The following STPG2 variants were observed in gnomAD, a reference collection of about 807,000 sequenced individuals.
The protein encoded by STPG2 is sperm-tail PG-rich repeat-containing protein 2.
Under a neutral mutation model 54.2 loss-of-function variants are expected in STPG2, and 56 were observed. The ratio of observed to expected loss-of-function variants is 1.03; its 90% CI spans 0.83 to 1.29. The LOEUF (loss-of-function observed/expected upper bound fraction) is 1.29. Among genes scored for constraint, STPG2 ranks in the 50% most tolerant of loss-of-function variants. The pLI is 0.00. For synonymous variants in STPG2, 200 were observed against 181.8 expected, an observed-to-expected ratio of 1.10 and a Z score of -0.81; for missense variants, 596 against 544.9, an observed-to-expected ratio of 1.09 and a Z score of -0.93.
At chr4:97,470,848 T>C (rs938650402) in intron 4 of STPG2, among the ~76,000 whole-genome samples, 1 of 152,062 alleles carries the variant, frequency 6.6e-6, no homozygotes, top group African/African-American at 2.4e-5. Context: ...GGCATTGTGA[T>C]GAGATGAAGT....
intron 4 of STPG2, among the ~76,000 whole-genome samples, chr4:97,518,307 C>A (rs1731115668): frequency 6.6e-6 from 1 of 151,964 alleles, no homozygotes; most frequent in African/African-American, 2.4e-5. Flanking sequence ...ACTATAAAAA[C>A]ACCAAGATAA....
In STPG2 at chr4:97,978,137, C is replaced by G. The variant is rs1006743310; in HGVS notation, c.772+3022G>C. The stretch of plus-strand genomic sequence containing the variant: ...TTATAAAGTGTTCAGTTTTCTGGAA[C>G]TACCATTTGACCCAGCAATTCCATT... On this transcript the variant is annotated intron_variant, in intron 6 of 10. Coordinates refer to ENST00000295268, the MANE Select transcript of STPG2 (RefSeq NM_174952.3). 3.3e-5 allele frequency among the ~76,000 whole-genome samples: 5 copies of G among 152,216 alleles called. No homozygotes were observed. The South Asian group carries it at 8.3e-4, about 25-fold the overall frequency.
At chr4:97,881,140 A>G (rs563933495) in intron 8 of STPG2, among the ~76,000 whole-genome samples, 1 of 152,204 alleles carries the variant, frequency 6.6e-6, no homozygotes, top group African/African-American at 2.4e-5. Context: ...AAACTAGTAA[A>G]GAGTGCAAAG....
At chr4:97,843,225 T>C (rs1321252104) in intron 8 of STPG2, among the ~76,000 whole-genome samples, 1 of 151,704 alleles carries the variant, frequency 6.6e-6, no homozygotes, top group East Asian at 1.9e-4. Context: ...CTCATACCAA[T>C]ATTTAAATCC....
At chr4:97,984,608 T>C (rs889534480) in intron 5 of STPG2, among the ~76,000 whole-genome samples, 11 of 152,376 alleles carry the variant, frequency 7.2e-5, no homozygotes, top group Middle Eastern at 3.4e-3. Flanking sequence ...TTGTTTCCAT[T>C]TGTTTTCAGT....
intron 5 of STPG2, among the ~76,000 whole-genome samples, chr4:98,056,569 C>A (rs564573034): frequency 5.3e-4 from 80 of 152,188 alleles, no homozygotes; most frequent in African/African-American, 1.8e-3. Context: ...CCTAATATCT[C>A]CCATAAATGA....
chr4:97,860,023 G>A (rs533174079), intron 8 of STPG2, among the ~76,000 whole-genome samples: 3 of 152,272 alleles, frequency 2.0e-5, no homozygotes, highest in African/African-American at 7.2e-5. Flanking sequence ...CATTGTCAAA[G>A]ATCAGTTGCC....
chr4:97,973,795 T>C (rs544554456), intron 6 of STPG2, among the ~76,000 whole-genome samples: 1 of 152,066 alleles, frequency 6.6e-6, no homozygotes, highest in South Asian at 2.1e-4. Flanking sequence ...CAGCTACGTA[T>C]GGAAATTCCT....
At chr4:97,893,274 C>T (rs376998841) in intron 8 of STPG2, 2 of 151,368 alleles carry the variant, frequency 1.3e-5, no homozygotes, top group African/African-American at 4.9e-5. Context: ...CATTTGGAAC[C>T]ACAAAAAAAA....
At chr4:97,893,421 T>C (rs1274178509) in intron 8 of STPG2, among the ~76,000 whole-genome samples, 2 of 152,054 alleles carry the variant, frequency 1.3e-5, no homozygotes, top group Non-Finnish European at 2.9e-5. Flanking sequence ...TTAAGTAAAA[T>C]AGAAGTTTAT....
intron 5 of STPG2, among the ~76,000 whole-genome samples, chr4:98,075,018 C>A (rs1721721651): frequency 6.6e-6 from 1 of 152,284 alleles, no homozygotes; most frequent in African/African-American, 2.4e-5. Context: ...TAAATAGGGG[C>A]AGAACATCTT....
intron 4 of STPG2, among the ~76,000 whole-genome samples, chr4:97,488,113 A>T (rs1183187418): frequency 6.6e-6 from 1 of 151,620 alleles, no homozygotes. Context: ...TATAGTTTGT[A>T]TTCAAGAAAT....
At chr4:97,745,430 T>A (rs192817921) in intron 9 of STPG2, among the ~76,000 whole-genome samples, 70 of 151,222 alleles carry the variant, frequency 4.6e-4, no homozygotes, top group African/African-American at 1.6e-3. Flanking sequence ...TAAAGATACT[T>A]TTTCCTCTTC....
At chr4:97,583,667 G>T (rs1261254533) in intron 10 of STPG2, among the ~76,000 whole-genome samples, 2 of 151,714 alleles carry the variant, frequency 1.3e-5, no homozygotes, top group Non-Finnish European at 2.9e-5. Flanking sequence ...TAAACTTAAG[G>T]TAAAGAGATG....
chr4:97,555,764 A>G (rs1199721193), downstream of STPG2, among the ~76,000 whole-genome samples: 1 of 152,158 alleles, frequency 6.6e-6, no homozygotes, highest in Non-Finnish European at 1.5e-5. Flanking sequence ...GGTAGTATAG[A>G]ACAGATTGGG....
At chr4:97,666,696 G>A (rs1166420640) in intron 10 of STPG2, among the ~76,000 whole-genome samples, 1 of 152,156 alleles carries the variant, frequency 6.6e-6, no homozygotes, top group Non-Finnish European at 1.5e-5. Context: ...CTAGAGGGCA[G>A]GTATCATGCT....
At chr4:97,886,834 G>A (rs1432378708) in intron 8 of STPG2, among the ~76,000 whole-genome samples, 1 of 152,188 alleles carries the variant, frequency 6.6e-6, no homozygotes, top group Non-Finnish European at 1.5e-5. Flanking sequence ...GTCAGTGGTT[G>A]CTCGTGAACG....
intron 10 of STPG2, among the ~76,000 whole-genome samples, chr4:97,695,063 G>T (rs1019663706): frequency 1.4e-5 from 2 of 142,470 alleles, no homozygotes; most frequent in African/African-American, 5.1e-5. Flanking sequence ...CAATGTCCCT[G>T]ATGAAAATAG....
chr4:97,702,375 T>C (rs1723805156), intron 10 of STPG2, among the ~76,000 whole-genome samples: 2 of 152,182 alleles, frequency 1.3e-5, no homozygotes, highest in African/African-American at 4.8e-5. Flanking sequence ...GTTCTCCAGA[T>C]TTCTGTTTAT....
Sources: gnomAD v4.1 joint callset for allele counts (sites outside exome capture counted in the v4.1 genomes callset) on GRCh38, gnomAD v4.1.1 for gene constraint, MANE v1.5 for transcripts, NCBI Gene and HGNC (gene_info 2026-07-23, HGNC 2026-07-21) for gene names.